CWC22: variants seen among roughly 807,000 people sequenced by gnomAD.
The protein encoded by CWC22 is pre-mRNA-splicing factor CWC22 homolog.
In CWC22, 53 loss-of-function variants were observed where a neutral mutation model predicts 117.2. That is an observed-to-expected ratio of 0.45 (90% CI 0.36 to 0.57). The LOEUF is 0.57. Ranked by LOEUF, CWC22 falls within the 20% of genes least tolerant of loss-of-function variation. The probability of loss-of-function intolerance (pLI) is 0.00; values close to 1 mark genes in which losing one functional copy is unlikely to be tolerated. For synonymous variants in CWC22, 360 were observed against 355.6 expected (o/e 1.01, Z -0.14); for missense variants, 980 against 1,068.8 (o/e 0.92, Z 1.16).
chr2:179,998,244 T>C (rs1687756954), intron 1 of CWC22, among the ~76,000 whole-genome samples: 1 of 152,194 alleles, frequency 6.6e-6, no homozygotes, highest in Admixed American at 6.5e-5. Flanking sequence ...AAGAACTTAG[T>C]TGTAAATCAA....
In CWC22 at chr2:179,970,451, A is replaced by C. The variant is rs1242314714; in HGVS notation, c.1210+50T>G. On this transcript the variant is annotated intron_variant, in intron 11 of 19. Coordinates refer to ENST00000410053, the MANE Select transcript of CWC22 (RefSeq NM_020943.3). ...TGCTATCAGTATTACGTAACTACTT[A>C]AATTGCTTCTACTTATCCAAACTAA... is the stretch of plus-strand genomic sequence containing the variant. 13 of 1,418,750 alleles carry C rather than the reference A, an allele frequency of 9.2e-6. No individual in the cohort carries two copies. In the South Asian group the frequency reaches 1.7e-4, roughly 19 times the overall value. The allele number at this position is 1,418,750 out of a possible 1,614,324, so 87.9% of individuals were successfully genotyped here. A position where few individuals can be genotyped will look rare whatever the true frequency, so the allele number is the denominator to read the frequency against.
chr2:179,981,581 A>T (rs957342475), intron 5 of CWC22, among the ~76,000 whole-genome samples, 171 bp downstream of exon 5: 10 of 152,226 alleles, frequency 6.6e-5, no homozygotes, highest in African/African-American at 2.4e-5. Flanking sequence ...ATATAAGGGC[A>T]CGTAGTGTGT....
Position 179,965,952 on chromosome 2 carries a change from T to G in CWC22, c.1241A>C (p.Asn414Thr), listed in dbSNP as rs1297989044. 3.1e-6 allele frequency: 5 copies of G among 1,612,476 alleles called. No individual in the cohort carries two copies. Among genetic ancestry groups the G allele is most frequent in the Non-Finnish European group, 4.2e-6 (5 of 1,178,890 alleles). The change falls in exon 12 of 20, where the codon AAC becomes ACC. Residue 414 changes from asparagine (N) to threonine (T), a missense_variant. Transcript: ENST00000410053. ...EILDEGDTDS[N>T]TDQDAGSSEE... ...ACTACTCCCAGCATCCTGGTCTGTG[T>G]TCGAGTCAGTATCTCCCTCATCAAG...
At chr2:179,967,469 T>C (rs1686921329) in intron 11 of CWC22, among the ~76,000 whole-genome samples, 1 of 152,180 alleles carries the variant, frequency 6.6e-6, no homozygotes, top group Non-Finnish European at 1.5e-5. Flanking sequence ...TTCATAATAA[T>C]ACCAAGACAG....
intron 19 of CWC22, 120 bp downstream of exon 19, chr2:179,950,392 T>A: frequency 1.6e-6 from 1 of 636,572 alleles, no homozygotes. Context: ...GTATTAATTG[T>A]GGCTTTTAAA....
intron 2 of CWC22, among the ~76,000 whole-genome samples, chr2:179,989,438 G>T (rs538817927): frequency 1.3e-5 from 2 of 151,778 alleles, no homozygotes; most frequent in Non-Finnish European, 2.9e-5. Context: ...TTTAGTACAG[G>T]GTAAAATAGC....
intron 2 of CWC22, among the ~76,000 whole-genome samples, chr2:179,990,831 T>C (rs139450012): frequency 5.3e-5 from 8 of 152,268 alleles, no homozygotes; most frequent in Non-Finnish European, 1.0e-4. Flanking sequence ...CTGGCACACA[T>C]AGTAAGTGCT....
At chr2:179,981,667 C>T in intron 5 of CWC22, 85 bp downstream of exon 5, 3 of 1,165,238 alleles carry the variant, frequency 2.6e-6, no homozygotes, top group Non-Finnish European at 3.7e-6. Flanking sequence ...CGTAAATTCT[C>T]AAGAACCAGG....
At chr2:179,978,550 A>G (rs1687208148) in intron 5 of CWC22, among the ~76,000 whole-genome samples, 1 of 152,090 alleles carries the variant, frequency 6.6e-6, no homozygotes, top group African/African-American at 2.4e-5. Context: ...ATAATACAAT[A>G]AGATTATGTA....
At chr2:179,990,289 A>G (rs895682219) in intron 2 of CWC22, among the ~76,000 whole-genome samples, 1 of 152,202 alleles carries the variant, frequency 6.6e-6, no homozygotes, top group Non-Finnish European at 1.5e-5. Flanking sequence ...TTTCTATAAA[A>G]CTTCACATAA....
chr2:179,946,468 G>C (rs201941240), intron 19 of CWC22, among the ~76,000 whole-genome samples: 14,995 of 127,432 alleles, frequency 0.12, 1,545 homozygotes, highest in Admixed American at 0.24. Context: ...AAAAAAAGGG[G>C]GGGGGGGAAG....
rs373464895 is a variant in CWC22 at position 179,945,079 on chromosome 2, T to A, written c.*50A>T. On this transcript the variant is annotated 3_prime_UTR_variant, in exon 20 of 20. Transcript: ENST00000410053. Reference sequence around the variant, plus strand: ...TAAAGTTCGTCAAAGTAAAAAATAATTTGTTTCAACTGAATATAAGGCATG... The same window carrying A: ...TAAAGTTCGTCAAAGTAAAAAATAAATTGTTTCAACTGAATATAAGGCATG... 3.0e-5 allele frequency: 39 copies of A among 1,287,396 alleles called. No individual in the cohort carries two copies. In the African/African-American group the frequency reaches 4.8e-4, roughly 16 times the overall value. The allele number at this position is 1,287,396 out of a possible 1,614,324, so 79.7% of individuals were successfully genotyped here.
Position 179,970,839 on chromosome 2 carries a change from G to T in CWC22, c.958C>A (p.Arg320=). Residue 320 remains arginine, a synonymous_variant, in exon 10 of 20, where the codon CGA becomes AGA. Transcript: ENST00000410053. The part of the protein sequence containing the change: ...RGINAIFERL[R]NILHESEIDK... Reference sequence around the variant, plus strand: ...ATTTCAGACTCATGCAGAATGTTTCGAAGGCGTTCAAATATAGCTAAAAGT... The same window carrying T: ...ATTTCAGACTCATGCAGAATGTTTCTAAGGCGTTCAAATATAGCTAAAAGT... 6.2e-7 allele frequency: 1 copy of T among 1,613,398 alleles called. No homozygotes were observed. The highest frequency in any genetic ancestry group is 1.1e-5 in the South Asian group (1 of 91,052).
chr2:179,951,595 G>C (rs889198674), intron 17 of CWC22, among the ~76,000 whole-genome samples: 1 of 152,242 alleles, frequency 6.6e-6, no homozygotes, highest in East Asian at 1.9e-4. Flanking sequence ...GAGAATGCCA[G>C]CAGTGGAAAC....
At chr2:179,988,853 C>T (rs946130350) in intron 2 of CWC22, among the ~76,000 whole-genome samples, 3 of 151,792 alleles carry the variant, frequency 2.0e-5, no homozygotes, top group African/African-American at 7.3e-5. Context: ...GTGGCAGGCA[C>T]CTGTTTTCAT....
intron 13 of CWC22, among the ~76,000 whole-genome samples, chr2:179,961,190 A>G (rs540528295): frequency 2.6e-5 from 4 of 152,148 alleles, no homozygotes; most frequent in East Asian, 3.9e-4. Context: ...TATCATCAGT[A>G]TAGTTCACCT....
chr2:179,961,832 C>A (rs533584217), intron 13 of CWC22, among the ~76,000 whole-genome samples: 1 of 151,996 alleles, frequency 6.6e-6, no homozygotes, highest in East Asian at 1.9e-4. Context: ...ATTAAATTTT[C>A]TTGATATTTT....
Position 179,952,618 on chromosome 2 carries a change from A to G in CWC22, c.1690-20T>C. The G allele has an allele frequency of 7.6e-7, 1 of 1,313,864 alleles. No homozygotes were observed. The highest frequency in any genetic ancestry group is 1.0e-6 in the Non-Finnish European group (1 of 972,800). The allele number at this position is 1,313,864 out of a possible 1,614,324, so 81.4% of individuals were successfully genotyped here. ...AAGAACCTGAAAATTAAAATAAAAAAAGACAAGTATATTTTAATTTATAAA... is the reference window on the plus strand; with the variant it reads ...AAGAACCTGAAAATTAAAATAAAAAGAGACAAGTATATTTTAATTTATAAA... On this transcript the variant is annotated intron_variant, in intron 16 of 19. Transcript: ENST00000410053.
intron 4 of CWC22, among the ~76,000 whole-genome samples, chr2:179,985,870 G>C (rs1687406903): frequency 6.6e-6 from 1 of 151,898 alleles, no homozygotes; most frequent in Non-Finnish European, 1.5e-5. Context: ...GCACCCACTG[G>C]GGTCCTAGAA....
Sources: gnomAD v4.1 joint callset for allele counts (sites outside exome capture counted in the v4.1 genomes callset) on GRCh38, gnomAD v4.1.1 for gene constraint, MANE v1.5 for transcripts, NCBI Gene and HGNC (gene_info 2026-07-23, HGNC 2026-07-21) for gene names.